GIGYF2: variants seen among roughly 807,000 people sequenced by gnomAD.
GIGYF2 encodes GRB10-interacting GYF protein 2.
GIGYF2 carries 25 observed loss-of-function variants against 208.1 expected under a neutral mutation model. That is an observed-to-expected ratio of 0.12 (90% CI 0.09 to 0.17). The LOEUF (loss-of-function observed/expected upper bound fraction) is 0.17. Ranked by LOEUF, GIGYF2 falls within the 10% of genes least tolerant of loss-of-function variation. GIGYF2 has a pLI of 1.00. For missense variants in GIGYF2, 1,302 were observed against 1,579.4 expected (o/e 0.82, Z 2.98); for synonymous variants, 534 against 543.8 (o/e 0.98, Z 0.25).
intron 21 of GIGYF2, among the ~76,000 whole-genome samples, chr2:232,825,401 C>T (rs1214170290): frequency 6.6e-6 from 1 of 152,124 alleles, no homozygotes; most frequent in African/African-American, 2.4e-5. Flanking sequence ...GATTCCCACC[C>T]TCATGGATGA....
intron 8 of GIGYF2, among the ~76,000 whole-genome samples, chr2:232,762,286 T>TC (rs1412041963): frequency 2.0e-5 from 3 of 148,606 alleles, no homozygotes; most frequent in African/African-American, 7.5e-5. Context: ...GGCTGGAGAC[T>TC]CTGTCACCCA....
chr2:232,745,969 T>C (rs1698135429), intron 3 of GIGYF2, among the ~76,000 whole-genome samples: 1 of 152,014 alleles, frequency 6.6e-6, no homozygotes, highest in Admixed American at 6.6e-5. Context: ...TTTAAAAAAA[T>C]GTTTTGGGTC....
intron 3 of GIGYF2, among the ~76,000 whole-genome samples, chr2:232,738,768 T>G (rs1697845181): frequency 6.6e-6 from 1 of 152,236 alleles, no homozygotes; most frequent in South Asian, 2.1e-4. Flanking sequence ...TTTTTATCAC[T>G]GATCATTTTA....
intron 8 of GIGYF2, among the ~76,000 whole-genome samples, chr2:232,774,295 C>G (rs1380018351): frequency 6.6e-6 from 1 of 152,156 alleles, no homozygotes; most frequent in African/African-American, 2.4e-5. Flanking sequence ...AAGAGCCGCT[C>G]CAGAGTGTTT....
In GIGYF2 at chr2:232,790,737, G is replaced by A. The variant is rs1268273474; in HGVS notation, c.752G>A (p.Arg251Gln). Reference sequence around the variant, plus strand: ...GCAGGCTGGCGGGAACACATGGAACGACGTCGGAGGTTTGAGTTTGATTTT... The same window carrying A: ...GCAGGCTGGCGGGAACACATGGAACAACGTCGGAGGTTTGAGTTTGATTTT... ...RSAGWREHME[R>Q]RRRFEFDFRD... Residue 251 changes from arginine to glutamine, a missense_variant, in exon 10 of 29, where the codon CGA becomes CAA. Transcript: ENST00000373563. The A allele has an allele frequency of 1.9e-6, 3 of 1,613,972 alleles. No homozygotes were observed. Among genetic ancestry groups the A allele is most frequent in the African/African-American group, 1.3e-5 (1 of 74,886 alleles).
At chr2:232,716,686 G>GT (rs921029135) in intron 2 of GIGYF2, among the ~76,000 whole-genome samples, 28 of 151,698 alleles carry the variant, frequency 1.8e-4, no homozygotes, top group African/African-American at 5.1e-4. Context: ...CCTGGCCAGT[G>GT]TTTTTTTTGT....
chr2:232,715,232 T>C (rs561393347), intron 2 of GIGYF2, among the ~76,000 whole-genome samples: 1 of 152,352 alleles, frequency 6.6e-6, no homozygotes, highest in East Asian at 1.9e-4. Context: ...TTCCAAGGTA[T>C]GACTTTACAG....
At position 232,847,506 on chromosome 2, in the gene GIGYF2, C is replaced by T; in HGVS notation, c.3619C>T (p.Gln1207Ter). ...KQKANQQRQQ[Q>*]QLPQQQQQQP... is the part of the protein sequence containing the mutation. Reference sequence around the variant, plus strand: ...GAAAGCCAACCAGCAGCGTCAGCAGCAGCAGCTGCCACAGCAGCAGCAGCA... The same window carrying T: ...GAAAGCCAACCAGCAGCGTCAGCAGTAGCAGCTGCCACAGCAGCAGCAGCA... The change falls in exon 27 of 29, where the codon CAG becomes TAG. Residue 1207 changes from glutamine (Q) to a stop codon, truncating the protein, a stop_gained. Coordinates refer to ENST00000373563, the MANE Select transcript of GIGYF2 (RefSeq NM_001103146.3). LOFTEE classifies it high-confidence loss of function. The T allele has an allele frequency of 7.2e-7, 1 of 1,384,808 alleles. No individual in the cohort carries two copies. Among genetic ancestry groups the T allele is most frequent in the Non-Finnish European group, 9.9e-7 (1 of 1,007,806 alleles). 85.8% of individuals were successfully genotyped at this position (1,384,808 alleles called of 1,614,324 possible).
intron 2 of GIGYF2, among the ~76,000 whole-genome samples, chr2:232,732,048 A>G (rs911212263): frequency 6.6e-6 from 1 of 152,152 alleles, no homozygotes; most frequent in Non-Finnish European, 1.5e-5. Flanking sequence ...TCACTTTTCA[A>G]CTTGGCATCA....
chr2:232,735,295 T>A, intron 3 of GIGYF2, 57 bp downstream of exon 3: 1 of 1,210,110 alleles, frequency 8.3e-7, no homozygotes, highest in Non-Finnish European at 1.2e-6. Flanking sequence ...AGTAGTAAAG[T>A]ATTTGACAGG....
At chr2:232,856,650 C>A in intron 28 of GIGYF2, 143 bp from the exon 29 acceptor site, 1 of 734,592 alleles carries the variant, frequency 1.4e-6, no homozygotes. Context: ...CGAGATCACG[C>A]CACTGCACTC....
intron 3 of GIGYF2, among the ~76,000 whole-genome samples, chr2:232,739,014 C>T (rs775713561): frequency 1.3e-5 from 2 of 152,044 alleles, no homozygotes; most frequent in African/African-American, 2.4e-5. Flanking sequence ...ACAAAATAAA[C>T]ACACTTATTC....
chr2:232,797,832 T>C (rs1700271394), intron 14 of GIGYF2, among the ~76,000 whole-genome samples: 1 of 151,792 alleles, frequency 6.6e-6, no homozygotes. Flanking sequence ...AATACGAAAA[T>C]TAGCTGGATG....
Position 232,844,043 on chromosome 2 carries a change from C to CT in GIGYF2, c.2890-3_2890-2insT. 1 of 1,612,664 alleles carries CT rather than the reference C, an allele frequency of 6.2e-7. No homozygotes were observed. The highest frequency in any genetic ancestry group is 1.1e-5 in the South Asian group (1 of 90,980). On this transcript the variant is annotated splice_polypyrimidine_tract_variant and splice_region_variant and intron_variant, in intron 23 of 28. Coordinates refer to ENST00000373563, the MANE Select transcript of GIGYF2 (RefSeq NM_001103146.3). Reference sequence around the variant, plus strand: ...TCAGCTAGCTTCTGTTTTTATGCAACAGCAAAGGCGCCAGCAGAGGGAGTT... The same window carrying CT: ...TCAGCTAGCTTCTGTTTTTATGCAACTAGCAAAGGCGCCAGCAGAGGGAGTT...
intron 21 of GIGYF2, among the ~76,000 whole-genome samples, chr2:232,828,462 CGTTT>C (rs1701318642): frequency 1.4e-5 from 2 of 138,556 alleles, no homozygotes; most frequent in South Asian, 2.3e-4. Context: ...TTTGTTTGTT[CGTTT>C]GTTTGAGTCC....
In GIGYF2 at chr2:232,859,235, TCTC is replaced by T. The variant is rs1690686504; in HGVS notation, c.*2378_*2380del. On this transcript the variant is annotated 3_prime_UTR_variant, in exon 29 of 29. Coordinates refer to ENST00000373563, the MANE Select transcript of GIGYF2 (RefSeq NM_001103146.3). ...CCATTCTATGAACTTATTTCCAAAT[TCTC>T]CTAACTATTCCTGAGTTTTGAAGTA... 6.6e-6 allele frequency: 1 copy of T among 152,196 alleles called. No homozygotes were observed. Among genetic ancestry groups the T allele is most frequent in the Non-Finnish European group, 1.5e-5 (1 of 68,054 alleles). 9.4% of individuals were successfully genotyped at this position (152,196 alleles called of 1,614,324 possible). A position where few individuals can be genotyped will look rare whatever the true frequency, so the allele number is the denominator to read the frequency against.
chr2:232,834,663 T>C (rs188844797), intron 22 of GIGYF2, among the ~76,000 whole-genome samples: 10 of 152,216 alleles, frequency 6.6e-5, no homozygotes, highest in Non-Finnish European at 8.8e-5. Context: ...CTTCAGGCAC[T>C]TGAGTGATGC....
chr2:232,845,410 A>G (rs1466713461), intron 25 of GIGYF2, among the ~76,000 whole-genome samples: 2 of 152,202 alleles, frequency 1.3e-5, no homozygotes, highest in East Asian at 3.9e-4. Flanking sequence ...GATAACCCAA[A>G]AAAGTTGTTA....
At chr2:232,707,799 G>A (rs766707569) in intron 2 of GIGYF2, among the ~76,000 whole-genome samples, 1 of 151,732 alleles carries the variant, frequency 6.6e-6, no homozygotes, top group Non-Finnish European at 1.5e-5. Context: ...CACCATGCCC[G>A]GCTAATTTTT....
Sources: gnomAD v4.1 joint callset for allele counts (sites outside exome capture counted in the v4.1 genomes callset) on GRCh38, gnomAD v4.1.1 for gene constraint, MANE v1.5 for transcripts, NCBI Gene and HGNC (gene_info 2026-07-23, HGNC 2026-07-21) for gene names.